Variants in MAPK10 observed in about 807,000 individuals in gnomAD.
The protein encoded by MAPK10 is mitogen-activated protein kinase 10.
In MAPK10, 25 loss-of-function variants were observed where a neutral mutation model predicts 59.3. The observed-to-expected ratio is 0.42, with a 90% CI of 0.31 to 0.59. MAPK10 has a LOEUF of 0.59. Among genes scored for constraint, MAPK10 ranks in the 20% least tolerant of loss-of-function variants. The probability of loss-of-function intolerance (pLI) is 0.15; values close to 1 mark genes in which losing one functional copy is unlikely to be tolerated. For synonymous variants in MAPK10, 190 were observed against 200.5 expected, an observed-to-expected ratio of 0.95 and a Z score of 0.44; for missense variants, 351 against 568.9, an observed-to-expected ratio of 0.62 and a Z score of 3.90.
chr4:86,414,478 G>C (rs937255004), intron 1 of MAPK10, among the ~76,000 whole-genome samples: 1 of 152,198 alleles, frequency 6.6e-6, no homozygotes, highest in African/African-American at 2.4e-5. Context: ...AGCTAGAATT[G>C]TTACCACTTT....
chr4:86,405,431 T>A (rs1255223509), intron 1 of MAPK10, among the ~76,000 whole-genome samples: 2 of 152,192 alleles, frequency 1.3e-5, no homozygotes, highest in African/African-American at 4.8e-5. Context: ...TTCTCTAAAG[T>A]ATTTGACGTT....
intron 1 of MAPK10, among the ~76,000 whole-genome samples, chr4:86,381,927 A>G (rs759244203): frequency 3.3e-5 from 5 of 152,076 alleles, no homozygotes; most frequent in Non-Finnish European, 5.9e-5. Flanking sequence ...GGCTAACTCT[A>G]TGGGGCAGGA....
At chr4:86,210,445 G>A (rs1390823342) in intron 2 of MAPK10, among the ~76,000 whole-genome samples, 1 of 151,652 alleles carries the variant, frequency 6.6e-6, no homozygotes, top group East Asian at 1.9e-4. Context: ...GAAAAATCTG[G>A]TTAAATAATA....
chr4:86,172,918 A>G (rs556093084), intron 3 of MAPK10, among the ~76,000 whole-genome samples: 3 of 152,216 alleles, frequency 2.0e-5, no homozygotes, highest in South Asian at 4.1e-4. Context: ...AGAGATGTGA[A>G]GGATCTTTTC....
chr4:86,157,144 A>G (rs1472259373), intron 4 of MAPK10, among the ~76,000 whole-genome samples: 1 of 152,038 alleles, frequency 6.6e-6, no homozygotes, highest in African/African-American at 2.4e-5. Flanking sequence ...CTGATAAGTA[A>G]GAAATAAAAC....
intron 9 of MAPK10, among the ~76,000 whole-genome samples, chr4:86,077,852 C>T (rs753235058): frequency 2.5e-4 from 38 of 152,104 alleles, no homozygotes; most frequent in Non-Finnish European, 5.3e-4. Context: ...GCTGTTTAGG[C>T]ACAATGTTGA....
intron 1 of MAPK10, among the ~76,000 whole-genome samples, chr4:86,380,166 G>A (rs1003156979): frequency 2.6e-5 from 4 of 152,084 alleles, no homozygotes; most frequent in African/African-American, 9.7e-5. Flanking sequence ...AGGTTGTGGT[G>A]GGCCAAGATT....
At chr4:86,444,615 C>T (rs929931861) in intron 1 of MAPK10, among the ~76,000 whole-genome samples, 2 of 151,754 alleles carry the variant, frequency 1.3e-5, no homozygotes, top group African/African-American at 4.8e-5. Context: ...AAGAAACTAT[C>T]ATCAGATCAA....
intron 1 of MAPK10, among the ~76,000 whole-genome samples, chr4:86,524,550 G>A (rs1267360431): frequency 6.6e-6 from 1 of 152,098 alleles, no homozygotes; most frequent in Non-Finnish European, 1.5e-5. Flanking sequence ...TCCTTCTCAA[G>A]TCTTCTAAAG....
chr4:86,578,957 A>G (rs576844879), intron 1 of MAPK10, among the ~76,000 whole-genome samples: 2 of 152,322 alleles, frequency 1.3e-5, no homozygotes, highest in East Asian at 3.9e-4. Context: ...TGTTCAAGAA[A>G]ACACTGGAAG....
At chr4:86,118,170 C>A (rs1349403297) in intron 4 of MAPK10, among the ~76,000 whole-genome samples, 4 of 152,200 alleles carry the variant, frequency 2.6e-5, no homozygotes, top group Admixed American at 2.0e-4. Flanking sequence ...TCAGTGATTA[C>A]TGGCAGAAGT....
intron 13 of MAPK10, chr4:86,026,381 G>A (rs981287606): frequency 6.6e-6 from 1 of 152,200 alleles, no homozygotes; most frequent in African/African-American, 2.4e-5. Context: ...GAAGCAAGCA[G>A]CTATGCCATC....
chr4:86,128,189 T>C (rs956436610), intron 4 of MAPK10, among the ~76,000 whole-genome samples: 3 of 152,106 alleles, frequency 2.0e-5, no homozygotes, highest in African/African-American at 4.8e-5. Context: ...TATAAGCACT[T>C]TTGCTCCCAA....
At chr4:86,478,546 C>A (rs1282295232) in intron 1 of MAPK10, among the ~76,000 whole-genome samples, 1 of 152,210 alleles carries the variant, frequency 6.6e-6, no homozygotes, top group Non-Finnish European at 1.5e-5. Flanking sequence ...TTCTTCCTCA[C>A]ACCTGACACA....
intron 2 of MAPK10, among the ~76,000 whole-genome samples, chr4:86,203,902 C>A (rs1456221641): frequency 6.6e-6 from 1 of 151,764 alleles, no homozygotes; most frequent in African/African-American, 2.4e-5. Flanking sequence ...TGCATATGCT[C>A]ACTTTAACAT....
intron 3 of MAPK10, among the ~76,000 whole-genome samples, chr4:86,174,119 G>A (rs925763167): frequency 2.6e-5 from 4 of 152,096 alleles, no homozygotes; most frequent in African/African-American, 9.7e-5. Context: ...TCCCATTACT[G>A]GGTATATACC....
At chr4:86,555,172 G>A (rs1760160321) in intron 1 of MAPK10, among the ~76,000 whole-genome samples, 1 of 152,226 alleles carries the variant, frequency 6.6e-6, no homozygotes, top group Admixed American at 6.5e-5. Flanking sequence ...GATCTGCCGG[G>A]CACGGTGGCT....
chr4:86,446,610 C>T (rs1750076708), intron 1 of MAPK10, among the ~76,000 whole-genome samples: 1 of 152,154 alleles, frequency 6.6e-6, no homozygotes, highest in Non-Finnish European at 1.5e-5. Context: ...AATCACAGGT[C>T]TTCAAAGGCA....
At chr4:86,183,136 G>T (rs181028472) in intron 3 of MAPK10, among the ~76,000 whole-genome samples, 12,882 of 146,568 alleles carry the variant, frequency 0.088, 1,200 homozygotes, top group African/African-American at 0.24. Flanking sequence ...GTTTTGGCTG[G>T]TTTTTTTTTA....
Sources: allele counts gnomAD v4.1 joint callset (sites outside exome capture counted in the v4.1 genomes callset), GRCh38; gene constraint gnomAD v4.1.1; transcripts MANE v1.5; gene names NCBI Gene and HGNC (gene_info 2026-07-23, HGNC 2026-07-21).